AKAP19: variants seen among roughly 807,000 people sequenced by gnomAD.
AKAP19 encodes A-kinase anchoring protein 19.
chr2:189,904,772 G>A, the AKAP19 span, among the ~76,000 whole-genome samples: 1 of 151,964 alleles, frequency 6.6e-6, no homozygotes, highest in Admixed American at 6.6e-5. Context: ...TGGCTCTAGA[G>A]TGAAAGAACT....
the AKAP19 span, among the ~76,000 whole-genome samples, chr2:190,162,012 A>G: frequency 2.6e-4 from 39 of 152,272 alleles, no homozygotes; most frequent in African/African-American, 8.9e-4. Flanking sequence ...AAGTTTCCTC[A>G]AAGTAATTGT....
At chr2:189,907,720 G>T in the AKAP19 span, among the ~76,000 whole-genome samples, 2 of 151,864 alleles carry the variant, frequency 1.3e-5, no homozygotes, top group African/African-American at 4.8e-5. Context: ...ATTATAGATA[G>T]TTTTAATTTA....
At chr2:190,193,425 C>T in the AKAP19 span, among the ~76,000 whole-genome samples, 3 of 152,002 alleles carry the variant, frequency 2.0e-5, no homozygotes, top group Admixed American at 6.6e-5. Flanking sequence ...TAGAATAATT[C>T]GGGAAATCTT....
chr2:189,912,445 G>C, the AKAP19 span, among the ~76,000 whole-genome samples: 1 of 152,138 alleles, frequency 6.6e-6, no homozygotes, highest in Non-Finnish European at 1.5e-5. Context: ...GGTGGCTGAG[G>C]CTGGAGAATT....
chr2:190,107,926 G>A, the AKAP19 span, among the ~76,000 whole-genome samples: 4 of 152,176 alleles, frequency 2.6e-5, no homozygotes. Context: ...GATGAAGAAA[G>A]TGTGGCTTAG....
chr2:190,038,889 T>C, the AKAP19 span, among the ~76,000 whole-genome samples: 18 of 38,632 alleles, frequency 4.7e-4, no homozygotes, highest in African/African-American at 1.2e-3. Context: ...TCTTTCTTTC[T>C]TTCTTTCTTT....
chr2:190,122,460 C>G, the AKAP19 span, among the ~76,000 whole-genome samples: 131 of 152,330 alleles, frequency 8.6e-4, no homozygotes, highest in African/African-American at 3.1e-3. Context: ...TTTATCTTCT[C>G]ACACTGGTTG....
the AKAP19 span, among the ~76,000 whole-genome samples, chr2:190,187,751 G>A: frequency 6.6e-6 from 1 of 152,258 alleles, no homozygotes; most frequent in Non-Finnish European, 1.5e-5. Flanking sequence ...GTACTCAGGA[G>A]GCTGAAGCCA....
At chr2:190,194,514 ACACACG>A in the AKAP19 span, among the ~76,000 whole-genome samples, 3 of 149,708 alleles carry the variant, frequency 2.0e-5, no homozygotes, top group Non-Finnish European at 3.0e-5. Context: ...ACACACACAC[ACACACG>A]CAGCATCTCC....
chr2:190,096,668 A>G, the AKAP19 span, among the ~76,000 whole-genome samples: 2 of 152,168 alleles, frequency 1.3e-5, no homozygotes, highest in African/African-American at 4.8e-5. Flanking sequence ...TAGTCCATGT[A>G]TGCTACTATT....
chr2:190,057,053 A>G, the AKAP19 span: 1 of 573,290 alleles, frequency 1.7e-6, no homozygotes, highest in Non-Finnish European at 3.0e-6. Flanking sequence ...TGGAAATCAT[A>G]AAACTTTCTT....
chr2:190,166,053 A>C, the AKAP19 span, among the ~76,000 whole-genome samples: 1 of 152,122 alleles, frequency 6.6e-6, no homozygotes. Context: ...ATGATGTACT[A>C]ACTGCAGAAG....
chr2:189,890,600 C>T, the AKAP19 span, among the ~76,000 whole-genome samples: 2 of 152,120 alleles, frequency 1.3e-5, no homozygotes, highest in African/African-American at 4.8e-5. Flanking sequence ...AATCTAGGTG[C>T]TCCTGTATTG....
the AKAP19 span, among the ~76,000 whole-genome samples, chr2:189,986,161 A>G: frequency 3.9e-5 from 6 of 152,192 alleles, no homozygotes; most frequent in African/African-American, 1.4e-4. Context: ...GCCACCAGCC[A>G]GAGACCACAG....
chr2:190,051,302 G>A, the AKAP19 span, among the ~76,000 whole-genome samples: 2 of 152,126 alleles, frequency 1.3e-5, no homozygotes, highest in African/African-American at 4.8e-5. Context: ...TTAAGCTGAA[G>A]AGAATATATG....
the AKAP19 span, among the ~76,000 whole-genome samples, chr2:190,050,486 G>A: frequency 1.3e-5 from 2 of 152,114 alleles, no homozygotes; most frequent in Non-Finnish European, 2.9e-5. Context: ...TTCTGATCAC[G>A]CTTACTAATA....
chr2:189,967,208 G>T, the AKAP19 span, among the ~76,000 whole-genome samples: 1 of 152,134 alleles, frequency 6.6e-6, no homozygotes, highest in African/African-American at 2.4e-5. Context: ...TTTTCACCGT[G>T]GGTGGCAGAG....
the AKAP19 span, among the ~76,000 whole-genome samples, chr2:189,886,948 T>G: frequency 4.5e-5 from 6 of 133,736 alleles, no homozygotes; most frequent in African/African-American, 9.6e-5. Context: ...GAACAAAGAT[T>G]AGTGGAGATG....
chr2:190,197,434 T>C, the AKAP19 span, among the ~76,000 whole-genome samples: 3 of 152,210 alleles, frequency 2.0e-5, no homozygotes, highest in African/African-American at 7.2e-5. The surrounding 1 kb of genome is among the most constrained non-coding windows in gnomAD (Gnocchi z 4.0). Flanking sequence ...ACTTTGCAGA[T>C]CCTTATCCTG....
Sources: gnomAD v4.1 joint callset for allele counts (sites outside exome capture counted in the v4.1 genomes callset) on GRCh38, gnomAD v4.1.1 for gene constraint, Gnocchi (gnomAD v3.1) non-coding constraint, MANE v1.5 for transcripts, NCBI Gene and HGNC (gene_info 2026-07-23, HGNC 2026-07-21) for gene names.